Variants in AKT3 observed in about 807,000 individuals in gnomAD.
The protein encoded by AKT3 is AKT serine/threonine kinase 3.
A neutral mutation model predicts 65.3 loss-of-function variants in AKT3; 15 were observed. The observed-to-expected ratio is 0.23, with a 90% CI of 0.15 to 0.35. The LOEUF is 0.35. AKT3 is among the 10% of genes least tolerant of loss of function. AKT3 has a pLI of 1.00. For missense variants in AKT3, 243 were observed against 576.5 expected (o/e 0.42, Z 5.92); for synonymous variants, 206 against 183.8 (o/e 1.12, Z -0.98).
At chr1:243,753,774 T>C (rs899827078) in intron 2 of AKT3, among the ~76,000 whole-genome samples, 15 of 152,308 alleles carry the variant, frequency 9.8e-5, no homozygotes, top group Non-Finnish European at 1.5e-4. Context: ...GCTTAGGTAG[T>C]AGAGTGTAAA....
At chr1:243,671,689 C>T (rs189349779) in intron 3 of AKT3, among the ~76,000 whole-genome samples, 2 of 152,228 alleles carry the variant, frequency 1.3e-5, no homozygotes, top group East Asian at 3.9e-4. Context: ...GTGATCACTA[C>T]GTTCCAAGCA....
Position 243,637,620 on chromosome 1 carries a change from A to G in AKT3, c.552T>C (p.Ile184=), listed in dbSNP as rs750034703. 8 of 1,595,348 alleles carry G rather than the reference A, an allele frequency of 5.0e-6. No homozygotes were observed. In the South Asian group the frequency reaches 8.0e-5, roughly 16 times the overall value. Residue 184 remains isoleucine, a synonymous_variant, in exon 6 of 14, where the codon ATT becomes ATC. Coordinates refer to ENST00000673466, the MANE Select transcript of AKT3 (RefSeq NM_005465.7). ...TTAATAAATCAGTTACCTTTGCAAT[A>G]ATGACTTCTTTCTTCAGAATCTTCA... ...YAMKILKKEV[I]IAKDEVAHTL...
chr1:243,720,886 T>C (rs1433784414), intron 2 of AKT3, among the ~76,000 whole-genome samples: 3 of 152,134 alleles, frequency 2.0e-5, no homozygotes, highest in East Asian at 3.8e-4. Context: ...TGCCACACCA[T>C]ATTCTACTGG....
At chr1:243,637,538 T>C (rs1680065179) in intron 6 of AKT3, 73 bp downstream of exon 6, 2 of 1,325,192 alleles carry the variant, frequency 1.5e-6, no homozygotes, top group Admixed American at 2.5e-5. Flanking sequence ...CATTAGCATG[T>C]AAATTCATGA....
chr1:243,675,405 T>C (rs980392079), intron 3 of AKT3, among the ~76,000 whole-genome samples: 2 of 152,192 alleles, frequency 1.3e-5, no homozygotes, highest in African/African-American at 4.8e-5. Context: ...TTCACCATGT[T>C]AGCCAGGCTG....
intron 12 of AKT3, among the ~76,000 whole-genome samples, chr1:243,523,298 C>T (rs997020599): frequency 1.3e-5 from 2 of 151,442 alleles, no homozygotes; most frequent in African/African-American, 4.9e-5. Context: ...CACACACACA[C>T]ACACACACAC....
chr1:243,489,225 T>A (rs941070947), intron 13 of AKT3: 7 of 1,524,518 alleles, frequency 4.6e-6, no homozygotes, highest in Middle Eastern at 2.3e-4. Flanking sequence ...AGGCCGGCTT[T>A]CTCACGGATC....
chr1:243,755,591 T>C (rs972850599), intron 2 of AKT3, among the ~76,000 whole-genome samples: 6 of 152,204 alleles, frequency 3.9e-5, no homozygotes, highest in Non-Finnish European at 1.5e-5. Context: ...TGTTACAGAA[T>C]TATAAATTAT....
chr1:243,604,824 G>C (rs368907578), intron 8 of AKT3, among the ~76,000 whole-genome samples: 1 of 152,042 alleles, frequency 6.6e-6, no homozygotes, highest in African/African-American at 2.4e-5. Context: ...CTGAGGTCTA[G>C]CCCACAGAAG....
chr1:243,814,330 ATTTAT>A (rs1172263465), intron 2 of AKT3, among the ~76,000 whole-genome samples: 1 of 152,180 alleles, frequency 6.6e-6, no homozygotes, highest in East Asian at 1.9e-4. Context: ...TATATCTAAC[ATTTAT>A]TTTAAATACT....
intron 9 of AKT3, among the ~76,000 whole-genome samples, chr1:243,568,104 T>G (rs1282486688): frequency 6.6e-6 from 1 of 152,226 alleles, no homozygotes; most frequent in African/African-American, 2.4e-5. Flanking sequence ...GAAAAATATT[T>G]ACAAATGATC....
intron 3 of AKT3, among the ~76,000 whole-genome samples, chr1:243,682,670 G>A (rs905453215): frequency 2.6e-5 from 4 of 152,030 alleles, no homozygotes; most frequent in African/African-American, 9.7e-5. Flanking sequence ...CAGGGATAAG[G>A]ACATAACATA....
chr1:243,498,162 T>A (rs1423892900), downstream of AKT3, among the ~76,000 whole-genome samples: 1 of 152,232 alleles, frequency 6.6e-6, no homozygotes, highest in African/African-American at 2.4e-5. Context: ...TTAGCAGGAC[T>A]GTGCTGGGTC....
intron 2 of AKT3, among the ~76,000 whole-genome samples, chr1:243,724,968 T>C (rs1687120291): frequency 6.6e-6 from 1 of 151,490 alleles, no homozygotes; most frequent in African/African-American, 2.4e-5. Flanking sequence ...TTTGGGAGGC[T>C]GAGGTAGGAG....
In AKT3 at chr1:243,620,205, C is replaced by T. The variant is rs539114129; in HGVS notation, c.562-5044G>A. Among the ~76,000 whole-genome samples, 9 of 98,426 alleles carry T rather than the reference C, an allele frequency of 9.1e-5. 3 individuals are homozygous for T. The highest frequency in any genetic ancestry group is 8.0e-4 in the Admixed American group (7 of 8,722). The allele number at this position is 98,426 out of a possible 152,430, so 64.6% of individuals were successfully genotyped here. A position where few individuals can be genotyped will look rare whatever the true frequency, so the allele number is the denominator to read the frequency against. ...GTGTCTGACAGTTCCTCTTCACACA[C>T]TCGCCCTTTCTTCGCCTGATACCAC... On this transcript the variant is annotated intron_variant, in intron 6 of 13. Transcript: ENST00000673466.
intron 2 of AKT3, among the ~76,000 whole-genome samples, chr1:243,755,837 C>G (rs904144828): frequency 3.3e-5 from 5 of 152,148 alleles, no homozygotes; most frequent in Non-Finnish European, 5.9e-5. Flanking sequence ...ATGGGAATCC[C>G]CAAAGTATGC....
At chr1:243,683,046 T>C (rs143510151) in intron 3 of AKT3, among the ~76,000 whole-genome samples, 49 of 152,298 alleles carry the variant, frequency 3.2e-4, no homozygotes, top group African/African-American at 7.5e-4. Context: ...CTAGATCTTG[T>C]ATCTGTGGAA....
chr1:243,585,887 G>A (rs879726382), intron 8 of AKT3, among the ~76,000 whole-genome samples: 2 of 152,084 alleles, frequency 1.3e-5, no homozygotes, highest in Non-Finnish European at 2.9e-5. Flanking sequence ...AAATCGACAA[G>A]TGAGACCTAA....
At chr1:243,531,033 A>G (rs1411238167) in intron 12 of AKT3, among the ~76,000 whole-genome samples, 1 of 152,214 alleles carries the variant, frequency 6.6e-6, no homozygotes, top group East Asian at 1.9e-4. Context: ...TTACTGCTAA[A>G]TACCTACCTT....
Sources: allele counts gnomAD v4.1 joint callset (sites outside exome capture counted in the v4.1 genomes callset), GRCh38; gene constraint gnomAD v4.1.1; transcripts MANE v1.5; gene names NCBI Gene and HGNC (gene_info 2026-07-23, HGNC 2026-07-21).